The following SAMMSON variants were observed in gnomAD, a reference collection of about 807,000 sequenced individuals.
SAMMSON encodes long intergenic non-protein coding RNA 1212.
chr3:70,112,661 G>A (rs1004986505), intron 4 of SAMMSON, among the ~76,000 whole-genome samples: 2 of 152,182 alleles, frequency 1.3e-5, no homozygotes, highest in African/African-American at 4.8e-5. Context: ...TGTTGAGAAA[G>A]CATGGTAAAA....
intron 7 of SAMMSON, among the ~76,000 whole-genome samples, chr3:70,345,110 C>A (rs1165514062): frequency 6.6e-6 from 1 of 152,264 alleles, no homozygotes; most frequent in East Asian, 1.9e-4. Context: ...TGAGTTTATA[C>A]CGATGTCTCC....
At chr3:70,296,467 A>G (rs1394723623) in intron 7 of SAMMSON, among the ~76,000 whole-genome samples, 1 of 152,104 alleles carries the variant, frequency 6.6e-6, no homozygotes, top group Non-Finnish European at 1.5e-5. Flanking sequence ...ATCACCTCTC[A>G]CACCGTGACA....
intron 7 of SAMMSON, among the ~76,000 whole-genome samples, chr3:70,336,494 C>T (rs1365148331): frequency 1.3e-5 from 2 of 151,948 alleles, no homozygotes; most frequent in African/African-American, 4.8e-5. Flanking sequence ...AAAGACATAT[C>T]TGTCAATCTT....
intron 4 of SAMMSON, among the ~76,000 whole-genome samples, chr3:70,233,680 C>A (rs142075987): frequency 6.6e-6 from 1 of 152,106 alleles, no homozygotes; most frequent in Non-Finnish European, 1.5e-5. Flanking sequence ...AGGCAACCTG[C>A]GACCCATTCT....
chr3:70,112,581 A>G (rs892771814), intron 4 of SAMMSON, among the ~76,000 whole-genome samples: 2 of 152,188 alleles, frequency 1.3e-5, no homozygotes, highest in African/African-American at 4.8e-5. Context: ...GAAGAACAAT[A>G]GTTCACCCTA....
chr3:70,086,852 A>G (rs949832645), intron 4 of SAMMSON, among the ~76,000 whole-genome samples: 1 of 152,178 alleles, frequency 6.6e-6, no homozygotes, highest in Non-Finnish European at 1.5e-5. Flanking sequence ...TTACACATGT[A>G]TGGGTTTATT....
At chr3:70,214,452 G>A (rs972363359) in intron 4 of SAMMSON, among the ~76,000 whole-genome samples, 9 of 152,052 alleles carry the variant, frequency 5.9e-5, no homozygotes, top group Non-Finnish European at 1.0e-4. Context: ...AAAGGCTAAA[G>A]TATATTATTC....
chr3:70,226,039 C>A (rs996960969), intron 4 of SAMMSON, among the ~76,000 whole-genome samples: 4 of 152,064 alleles, frequency 2.6e-5, no homozygotes, highest in Admixed American at 6.6e-5. Context: ...TAGGCATTTT[C>A]CAGGATGGAT....
At chr3:70,412,773 G>C (rs1575644196) in intron 2 of SAMMSON, among the ~76,000 whole-genome samples, 1 of 152,104 alleles carries the variant, frequency 6.6e-6, no homozygotes, top group Non-Finnish European at 1.5e-5. Flanking sequence ...GTGACATCTT[G>C]AATAAAATCG....
intron 3 of SAMMSON, among the ~76,000 whole-genome samples, chr3:70,016,541 G>A (rs1261076693): frequency 6.6e-6 from 1 of 152,048 alleles, no homozygotes; most frequent in African/African-American, 2.4e-5. Context: ...TAGGTTGCCT[G>A]TTCACTCTGA....
At chr3:70,415,704 G>A (rs1319634513) in intron 2 of SAMMSON, among the ~76,000 whole-genome samples, 3 of 152,078 alleles carry the variant, frequency 2.0e-5, no homozygotes, top group African/African-American at 7.2e-5. Context: ...AAAATTTTTA[G>A]ATGCTCCTTT....
At chr3:70,090,259 G>T (rs1411119638) in intron 4 of SAMMSON, among the ~76,000 whole-genome samples, 1 of 152,082 alleles carries the variant, frequency 6.6e-6, no homozygotes, top group East Asian at 1.9e-4. Context: ...TTTTCTCTGG[G>T]ACATATGAAA....
At position 70,304,838 on chromosome 3, in the gene SAMMSON, C is replaced by A. The variant is rs559746930; in HGVS notation, n.739+13595C>A. Among the ~76,000 whole-genome samples, 4 of 152,270 alleles carry A rather than the reference C, an allele frequency of 2.6e-5. No homozygotes were observed. In the East Asian group the frequency reaches 7.7e-4, roughly 29 times the overall value. ...AAAAAATATCCAGATTCCCAACTGA[C>A]CAACAAGGTTCTGCATTATTTCCAA... On this transcript the variant is annotated intron_variant and non_coding_transcript_variant, in intron 7 of 9. Transcript: ENST00000642114.
rs2067052608 is a variant in SAMMSON, at chr3:70,028,686, A to T, written n.417+15014A>T. Among the ~76,000 whole-genome samples, 3 of 152,354 alleles carry T rather than the reference A, an allele frequency of 2.0e-5. No homozygotes were observed. In the South Asian group the frequency reaches 6.2e-4, roughly 32 times the overall value. ...CTATTCTCTTTGTGCTAACCACAGC[A>T]AAAACTGTGACAGAATTATTTCTTA... On this transcript the variant is annotated intron_variant and non_coding_transcript_variant, in intron 3 of 9. Transcript: ENST00000642114.
In SAMMSON at chr3:70,123,630, C is replaced by T. The variant is rs113405724; in HGVS notation, n.507+52065C>T. On this transcript the variant is annotated intron_variant and non_coding_transcript_variant, in intron 4 of 9. Transcript: ENST00000642114. ...CCAGCCCCTGACCAGGTGATTATGG[C>T]GTTCAGCCATGCTTGGAAACCAGTG... is the stretch of plus-strand genomic sequence containing the variant. Among the ~76,000 whole-genome samples, 7 of 152,324 alleles carry T rather than the reference C, an allele frequency of 4.6e-5. 1 individual carries two copies. The highest frequency in any genetic ancestry group is 1.4e-4 in the African/African-American group (6 of 41,586).
chr3:70,393,921 A>G (rs77443484), downstream of SAMMSON, among the ~76,000 whole-genome samples: 1 of 152,156 alleles, frequency 6.6e-6, no homozygotes, highest in Non-Finnish European at 1.5e-5. Flanking sequence ...GCATGATTCG[A>G]TTTTTAAAAA....
intron 4 of SAMMSON, among the ~76,000 whole-genome samples, chr3:70,108,253 CA>C (rs890421874): frequency 6.6e-6 from 1 of 151,860 alleles, no homozygotes; most frequent in African/African-American, 2.4e-5. Context: ...CTAATAGCAA[CA>C]AGGCGCCCTG....
rs150383912 is a variant in SAMMSON at position 70,348,478 on chromosome 3, C to CAG, written n.740-5680_740-5679dup. On this transcript the variant is annotated intron_variant and non_coding_transcript_variant, in intron 7 of 9. Transcript: ENST00000642114. Reference sequence around the variant, plus strand: ...GTCTTCACACCGCATCCTTACATGGCAGAGAGAGAGAGAGAGAGCTCTAGA... The same window carrying CAG: ...GTCTTCACACCGCATCCTTACATGGCAGAGAGAGAGAGAGAGAGAGCTCTAGA... 3.5e-4 allele frequency among the ~76,000 whole-genome samples: 53 copies of CAG among 149,350 alleles called. No homozygotes were observed. The South Asian group carries it at 5.9e-3, about 17-fold the overall frequency.
intron 4 of SAMMSON, among the ~76,000 whole-genome samples, chr3:70,153,639 A>G (rs528333977): frequency 2.4e-4 from 36 of 152,040 alleles, no homozygotes; most frequent in Non-Finnish European, 3.5e-4. Context: ...CACCTAAACT[A>G]TATTAAATAT....
Sources: gnomAD v4.1 joint callset for allele counts (sites outside exome capture counted in the v4.1 genomes callset) on GRCh38, gnomAD v4.1.1 for gene constraint, MANE v1.5 for transcripts, NCBI Gene and HGNC (gene_info 2026-07-23, HGNC 2026-07-21) for gene names.